TBRG4: variants seen among roughly 807,000 people sequenced by gnomAD.
The protein encoded by TBRG4 is FAST kinase domain-containing protein 4.
Under a neutral mutation model 65.6 loss-of-function variants are expected in TBRG4, and 43 were observed. That is an observed-to-expected ratio of 0.66 (90% CI 0.51 to 0.85). The LOEUF is 0.85. Ranked by LOEUF, TBRG4 falls within the 40% of genes least tolerant of loss-of-function variation. TBRG4 has a pLI of 0.00. For synonymous variants in TBRG4, 366 were observed against 341.4 expected (o/e 1.07, Z -0.79); for missense variants, 709 against 787.9 (o/e 0.90, Z 1.20).
At chr7:45,101,737 C>T in intron 8 of TBRG4, 88 bp downstream of exon 8, 1 of 1,597,794 alleles carries the variant, frequency 6.3e-7, no homozygotes, top group Non-Finnish European at 8.5e-7. Context: ...CTCCCTAGGT[C>T]AGTACTTGCT....
chr7:45,101,240 T>C lies in TBRG4; in HGVS notation c.1794+18A>G. 6.2e-7 allele frequency: 1 copy of C among 1,608,334 alleles called. No individual in the cohort carries two copies. The highest frequency in any genetic ancestry group is 8.5e-7 in the Non-Finnish European group (1 of 1,176,242). Reference sequence around the variant, plus strand: ...GGATTCTCCCTGTGCAGTGACCACCTGCCCAAGAGGTACTCACGTCCACTA... The same window carrying C: ...GGATTCTCCCTGTGCAGTGACCACCCGCCCAAGAGGTACTCACGTCCACTA... On this transcript the variant is annotated intron_variant, in intron 10 of 10. Coordinates refer to ENST00000258770, the MANE Select transcript of TBRG4 (RefSeq NM_004749.4).
At chr7:45,106,587 T>A (rs950736440) in intron 2 of TBRG4, 4 of 152,960 alleles carry the variant, frequency 2.6e-5, no homozygotes, top group African/African-American at 9.7e-5. Flanking sequence ...ACTAGCCTGG[T>A]GAACGTGGTG....
intron 1 of TBRG4, among the ~76,000 whole-genome samples, chr7:45,109,636 C>T (rs1785068651): frequency 6.6e-6 from 1 of 152,144 alleles, no homozygotes; most frequent in Admixed American, 6.5e-5. Context: ...ACCTAGACAG[C>T]ATTAATTTTT....
chr7:45,108,738 A>G (rs1785032031), intron 2 of TBRG4, 89 bp downstream of exon 2: 2 of 1,121,476 alleles, frequency 1.8e-6, no homozygotes, highest in Non-Finnish European at 2.5e-6. Flanking sequence ...GCCCCTGTCT[A>G]TGCTTGGTAA....
chr7:45,101,220 C>T, intron 10 of TBRG4, 38 bp downstream of exon 10: 1 of 1,590,866 alleles, frequency 6.3e-7, no homozygotes, highest in Non-Finnish European at 8.6e-7. Flanking sequence ...GTTGGGGATT[C>T]TCCCTGTGCA....
In TBRG4 at chr7:45,101,814, G is replaced by A; in HGVS notation, c.1567+11C>T. On this transcript the variant is annotated intron_variant, in intron 8 of 10. Transcript: ENST00000258770. ...ATGCCAGGCCCTGTGCCAACCAGGG[G>A]GAGCCCTCACCCAGCACCCAGCCAT... 1.9e-6 allele frequency: 3 copies of A among 1,603,400 alleles called. No individual in the cohort carries two copies. The highest frequency in any genetic ancestry group is 2.2e-5 in the South Asian group (2 of 91,018).
rs1328807499 is a variant in TBRG4 at position 45,104,228 on chromosome 7, C to A, written c.936G>T (p.Val312=). The A allele has an allele frequency of 1.2e-6, 2 of 1,613,902 alleles. No individual in the cohort carries two copies. Among genetic ancestry groups the A allele is most frequent in the African/African-American group, 1.3e-5 (1 of 74,946 alleles). ...YGKLSFHQTQ[V]SQRLATDLLS... ...GCAGGTCGGTGGCCAGGCGCTGGGA[C>A]ACCTGGGTCTGGTGAAAGCTGAGTT... The change falls in exon 5 of 11, where the codon GTG becomes GTT. Residue 312 remains valine, a synonymous_variant. Transcript: ENST00000258770.
chr7:45,108,175 T>G (rs1785017065), intron 2 of TBRG4, among the ~76,000 whole-genome samples: 1 of 152,264 alleles, frequency 6.6e-6, no homozygotes, highest in African/African-American at 2.4e-5. Context: ...GCCCCAGCAC[T>G]TCCCTTCCAA....
chr7:45,110,276 C>G (rs558504680), intron 1 of TBRG4, among the ~76,000 whole-genome samples: 11 of 152,210 alleles, frequency 7.2e-5, no homozygotes, highest in Admixed American at 3.9e-4. Flanking sequence ...TCCTCCTCCC[C>G]CTATAAGACC....
rs1210881609 is a variant in TBRG4, at chr7:45,101,355, C to T, written c.1697G>A (p.Trp566Ter). The T allele has an allele frequency of 6.2e-7, 1 of 1,613,870 alleles. No homozygotes were observed. The highest frequency in any genetic ancestry group is 1.3e-5 in the African/African-American group (1 of 74,948). Residue 566 changes from tryptophan to a stop codon, truncating the protein, a stop_gained, in exon 10 of 11, where the codon TGG (tryptophan) becomes TAG (stop). Transcript: ENST00000258770. LOFTEE classifies it high-confidence loss of function. ...PGSKRLAFLR[W>*]EFPNFNSRSK... ...TCGGCTGTTGAAGTTGGGGAACTCC[C>T]ACCGCAAGAACGCTAGCCTGGAAGG...
At position 45,109,179 on chromosome 7, in the gene TBRG4, G is replaced by A; in HGVS notation, c.59C>T (p.Ala20Val). 3 of 1,613,564 alleles carry A rather than the reference G, an allele frequency of 1.9e-6. No individual in the cohort carries two copies. Among genetic ancestry groups the A allele is most frequent in the Middle Eastern group, 3.3e-4 (2 of 6,056 alleles). ...TCLLREAARQ[A>V]PAMAPVGRLR... ...TCGGCCAACTGGAGCCATGGCAGGGGCCTGACGAGCAGCTTCTCTCAGGAG... is the reference window on the plus strand; with the variant it reads ...TCGGCCAACTGGAGCCATGGCAGGGACCTGACGAGCAGCTTCTCTCAGGAG... The change falls in exon 2 of 11, where the codon GCC becomes GTC. Residue 20 changes from alanine to valine, a missense_variant. By Grantham distance (64) the Ala-to-Val change is moderately conservative (BLOSUM62 0). Transcript: ENST00000258770.
chr7:45,102,707 C>T, intron 6 of TBRG4: 1 of 606,034 alleles, frequency 1.7e-6, no homozygotes, highest in Non-Finnish European at 2.8e-6. Context: ...CCCAAGACCA[C>T]TCTGAACAGC....
rs746805401 is a variant in TBRG4, at chr7:45,104,881, C to T, written c.736-172G>A. Reference sequence around the variant, plus strand: ...TGTGCAGGGCCTGCCTCCTCATCCACCCCAGGGAACCCCTGGACCTGGAGC... The same window carrying T: ...TGTGCAGGGCCTGCCTCCTCATCCATCCCAGGGAACCCCTGGACCTGGAGC... On this transcript the variant is annotated intron_variant, in intron 3 of 10. Transcript: ENST00000258770. 14 of 1,049,728 alleles carry T rather than the reference C, an allele frequency of 1.3e-5. No individual in the cohort carries two copies. The Admixed American group carries it at 1.4e-4, about 10-fold the overall frequency. The allele number at this position is 1,049,728 out of a possible 1,614,324, so 65.0% of individuals were successfully genotyped here. A position where few individuals can be genotyped will look rare whatever the true frequency, so the allele number is the denominator to read the frequency against.
intron 4 of TBRG4, 131 bp from the exon 5 acceptor site, chr7:45,104,387 C>T (rs1306656405): frequency 3.2e-6 from 5 of 1,570,942 alleles, no homozygotes; most frequent in Non-Finnish European, 4.4e-6. Context: ...GCCTGGGACA[C>T]AGGAACAGGG....
Position 45,105,552 on chromosome 7 carries a change from G to A in TBRG4, c.624C>T (p.Leu208=), listed in dbSNP as rs761596967. 6.2e-7 allele frequency: 1 copy of A among 1,614,180 alleles called. No individual in the cohort carries two copies. The highest frequency in any genetic ancestry group is 1.1e-5 in the South Asian group (1 of 91,078). Residue 208 remains leucine (L), a synonymous_variant, in exon 3 of 11, where the codon CTC becomes CTT. Transcript: ENST00000258770. ...QHSQELLAEL[L]THLERRWTEI... The stretch of plus-strand genomic sequence containing the variant: ...CTGTCCAACGCCTTTCCAGGTGTGT[G>A]AGCAGCTCAGCCAGCAGCTCCTGCG...
intron 10 of TBRG4, 135 bp from the exon 11 acceptor site, chr7:45,100,561 C>T (rs1784734968): frequency 1.5e-6 from 1 of 678,024 alleles, no homozygotes; most frequent in Non-Finnish European, 2.6e-6. Flanking sequence ...TGCACACCTG[C>T]CCCTTGGCCT....
At position 45,109,185 on chromosome 7, in the gene TBRG4, C is replaced by T. The variant is rs145556572; in HGVS notation, c.53G>A (p.Arg18His). Residue 18 changes from arginine to histidine, a missense_variant, in exon 2 of 11, where the codon CGT (arginine) becomes CAT (histidine). Coordinates refer to ENST00000258770, the MANE Select transcript of TBRG4 (RefSeq NM_004749.4). Reference sequence around the variant, plus strand: ...AACTGGAGCCATGGCAGGGGCCTGACGAGCAGCTTCTCTCAGGAGGCACGT... The same window carrying T: ...AACTGGAGCCATGGCAGGGGCCTGATGAGCAGCTTCTCTCAGGAGGCACGT... ...RCTCLLREAARQAPAMAPVGR... is the reference protein window; with the variant it reads ...RCTCLLREAAHQAPAMAPVGR... The T allele has an allele frequency of 1.8e-5, 29 of 1,612,858 alleles. No homozygotes were observed. Among genetic ancestry groups the T allele is most frequent in the African/African-American group, 1.5e-4 (11 of 75,014 alleles).
In TBRG4 at chr7:45,100,356, C is replaced by T. The variant is rs776622833; in HGVS notation, c.1865G>A (p.Arg622His). Reference protein sequence around the residue: ...QKGAYLKDKMRKAVAEELAK With the variant: ...QKGAYLKDKMHKAVAEELAK ...GGCCAGCTCCTCAGCCACCGCTTTG[C>T]GCATCTTGTCCTTGAGGTAGGCGCC... The change falls in exon 11 of 11, where the codon CGC (arginine) becomes CAC (histidine). Residue 622 changes from arginine (R) to histidine (H), a missense_variant. Coordinates refer to ENST00000258770, the MANE Select transcript of TBRG4 (RefSeq NM_004749.4). 6.2e-6 allele frequency: 10 copies of T among 1,614,068 alleles called. No homozygotes were observed. The highest frequency in any genetic ancestry group is 1.1e-5 in the South Asian group (1 of 91,090).
At chr7:45,105,376 C>A in intron 3 of TBRG4, 65 bp downstream of exon 3, 1 of 1,518,342 alleles carries the variant, frequency 6.6e-7, no homozygotes, top group East Asian at 2.3e-5. Context: ...ACAACTGTCA[C>A]CCAAAGAACA....
Sources: allele counts gnomAD v4.1 joint callset (sites outside exome capture counted in the v4.1 genomes callset), GRCh38; gene constraint gnomAD v4.1.1; transcripts MANE v1.5; gene names NCBI Gene and HGNC (gene_info 2026-07-23, HGNC 2026-07-21).